Variants in ZSCAN31 observed in about 807,000 individuals in gnomAD.
The protein encoded by ZSCAN31 is zinc finger and SCAN domain-containing protein 31.
In ZSCAN31, 14 loss-of-function variants were observed where a neutral mutation model predicts 22.5. That is an observed-to-expected ratio of 0.62 (90% CI 0.41 to 0.97). ZSCAN31 has a LOEUF of 0.97. ZSCAN31 is among the 50% of genes least tolerant of loss of function. The pLI, the probability that ZSCAN31 is intolerant of heterozygous loss-of-function variation, is 0.00. For synonymous variants in ZSCAN31, 168 were observed against 169.8 expected (o/e 0.99, Z 0.08); for missense variants, 424 against 483.4 (o/e 0.88, Z 1.15).
rs1764999975 is a variant in ZSCAN31, at chr6:28,351,325, TC to T, written c.-371+2536del. On this transcript the variant is annotated intron_variant, in intron 2 of 7. Transcript: ENST00000396838. The surrounding 1 kb of genome is among the most constrained non-coding windows in gnomAD (Gnocchi z 4.6). ...TTTTCCTGCCATAGACTTCCTCCCT[TC>T]CCCACCGTGGACACCCTCCTCATTC... Among the ~76,000 whole-genome samples, 1 of 152,068 alleles carries T rather than the reference TC, an allele frequency of 6.6e-6. No homozygotes were observed. Among genetic ancestry groups the T allele is most frequent in the Non-Finnish European group, 1.5e-5 (1 of 68,010 alleles).
rs974236756 is a variant in ZSCAN31, at chr6:28,349,297, A to G, written c.-371+4565T>C. The stretch of plus-strand genomic sequence containing the variant: ...CTTATCCCTAATGAATAAAGTTACT[A>G]ATGTTTCCATTCAGGTATCTTTTGT... On this transcript the variant is annotated intron_variant, in intron 2 of 7. Coordinates refer to the ZSCAN31 transcript ENST00000396838. The surrounding 1 kb of genome is among the most constrained non-coding windows in gnomAD (Gnocchi z 4.1). 6.6e-6 allele frequency among the ~76,000 whole-genome samples: 1 copy of G among 151,900 alleles called. No individual in the cohort carries two copies. Among genetic ancestry groups the G allele is most frequent in the Non-Finnish European group, 1.5e-5 (1 of 67,936 alleles).
chr6:28,351,398 G>C lies in ZSCAN31; in HGVS notation c.-371+2464C>G, dbSNP rs575865828. Among the ~76,000 whole-genome samples the C allele has an allele frequency of 3.9e-5, 6 of 152,050 alleles. No individual in the cohort carries two copies. The highest frequency in any genetic ancestry group is 7.4e-5 in the Non-Finnish European group (5 of 68,020). Reference sequence around the variant, plus strand: ...CTGGGTTGGGCTGTGGCTCTCTCTCGCCTTCCTTGACCCTACCTTAATGCT... The same window carrying C: ...CTGGGTTGGGCTGTGGCTCTCTCTCCCCTTCCTTGACCCTACCTTAATGCT... On this transcript the variant is annotated intron_variant, in intron 2 of 7. Coordinates refer to the ZSCAN31 transcript ENST00000396838. This position sits in a 1 kb window ranked among gnomAD's most constrained non-coding sequence, Gnocchi z 4.6.
Position 28,325,172 on chromosome 6 carries a change from G to C in ZSCAN31, c.*994C>G, listed in dbSNP as rs368801969. On this transcript the variant is annotated 3_prime_UTR_variant, in exon 4 of 4. Coordinates refer to ENST00000344279, the MANE Select transcript of ZSCAN31 (RefSeq NM_030899.5). ...AGCATGCTGGTCTCCCCAGTAAGCA[G>C]CAAGCTGCCCAAGATATCAGACTTC... is the stretch of plus-strand genomic sequence containing the variant. The C allele has an allele frequency of 1.1e-4, 16 of 152,338 alleles. 1 individual carries two copies. The highest frequency in any genetic ancestry group is 3.6e-4 in the African/African-American group (15 of 41,572). 9.4% of individuals were successfully genotyped at this position (152,338 alleles called of 1,614,324 possible).
intron 1 of ZSCAN31, chr6:28,332,226 C>T (rs1197313118): frequency 6.6e-6 from 1 of 152,228 alleles, no homozygotes; most frequent in Non-Finnish European, 1.5e-5. Context: ...CAAACTGCTA[C>T]AGATTACAGA....
chr6:28,335,432 G>A (rs558612236), intron 1 of ZSCAN31: 1 of 152,396 alleles, frequency 6.6e-6, no homozygotes, highest in Middle Eastern at 3.4e-3. Flanking sequence ...AGGTTCCCAG[G>A]AAAAGTTTCT....
In ZSCAN31 at chr6:28,336,118, G is replaced by A. The variant is rs1764150077; in HGVS notation, c.-132C>T. The A allele has an allele frequency of 6.6e-6, 1 of 152,394 alleles. No individual in the cohort carries two copies. The highest frequency in any genetic ancestry group is 1.5e-5 in the Non-Finnish European group (1 of 68,204). 9.4% of individuals were successfully genotyped at this position (152,394 alleles called of 1,614,324 possible). A position where few individuals can be genotyped will look rare whatever the true frequency, so the allele number is the denominator to read the frequency against. On this transcript the variant is annotated 5_prime_UTR_variant, in exon 1 of 4. Coordinates refer to ENST00000344279, the MANE Select transcript of ZSCAN31 (RefSeq NM_030899.5). The stretch of plus-strand genomic sequence containing the variant: ...CGGCAAGCTACGGAACAGGTGGCGG[G>A]GCTGCAGCACCCCAATGACCGATCA...
rs780292791 is a variant in ZSCAN31 at position 28,327,386 on chromosome 6, G to GT, written c.528dup (p.Gln177ThrfsTer4). ...AGGGACCTGTCAAAATCCTTACCTT[G>GT]TTCTTGAAATTGGTGGAGGCAAAAA... On this transcript the variant is annotated frameshift_variant, in exon 3 of 4. Transcript: ENST00000344279. LOFTEE classifies it low-confidence loss of function (END_TRUNC). The GT allele has an allele frequency of 6.2e-5, 100 of 1,614,006 alleles. No homozygotes were observed. Among genetic ancestry groups the GT allele is most frequent in the Non-Finnish European group, 8.5e-5 (100 of 1,179,982 alleles).
chr6:28,350,615 G>C (rs1018768463), intron 2 of ZSCAN31, among the ~76,000 whole-genome samples: 3 of 152,186 alleles, frequency 2.0e-5, no homozygotes, highest in African/African-American at 7.2e-5. Flanking sequence ...TGGGTAAGGT[G>C]CAGAGTAAGC....
chr6:28,327,935 C>T (rs1763423747), intron 2 of ZSCAN31, among the ~76,000 whole-genome samples: 1 of 152,070 alleles, frequency 6.6e-6, no homozygotes, highest in African/African-American at 2.4e-5. Context: ...AATAAAGGGA[C>T]AGAGTACAAA....
intron 2 of ZSCAN31, among the ~76,000 whole-genome samples, chr6:28,328,196 C>T (rs1041561202): frequency 6.6e-6 from 1 of 152,192 alleles, no homozygotes; most frequent in Non-Finnish European, 1.5e-5. Flanking sequence ...AATGAAGTTT[C>T]GGGCACCACT....
In ZSCAN31 at chr6:28,347,113, A is replaced by T. The variant is rs1259374819; in HGVS notation, c.-370-5321T>A. Among the ~76,000 whole-genome samples the T allele has an allele frequency of 1.3e-5, 2 of 152,160 alleles. No individual in the cohort carries two copies. Among genetic ancestry groups the T allele is most frequent in the Non-Finnish European group, 2.9e-5 (2 of 68,038 alleles). On this transcript the variant is annotated intron_variant, in intron 2 of 7. Coordinates refer to the ZSCAN31 transcript ENST00000396838. This position sits in a 1 kb window ranked among gnomAD's most constrained non-coding sequence, Gnocchi z 5.2. ...TTCTTAAGGACTGTCCCATCCCTTGAGCTCCTGAGAGGATCAGCTGGAGCC... is the reference window on the plus strand; with the variant it reads ...TTCTTAAGGACTGTCCCATCCCTTGTGCTCCTGAGAGGATCAGCTGGAGCC...
chr6:28,329,245 C>T (rs1435791881), intron 2 of ZSCAN31, 58 bp downstream of exon 2: 12 of 1,523,112 alleles, frequency 7.9e-6, no homozygotes, highest in Non-Finnish European at 8.8e-6. Flanking sequence ...ACCTGTGTCA[C>T]CAAACCCCAC....
intron 2 of ZSCAN31, among the ~76,000 whole-genome samples, chr6:28,350,864 G>A (rs142850419): frequency 1.3e-5 from 2 of 152,244 alleles, no homozygotes; most frequent in African/African-American, 4.8e-5. Context: ...ACTCTCAAAG[G>A]CTTTAAGACT....
intron 2 of ZSCAN31, among the ~76,000 whole-genome samples, chr6:28,343,259 G>C (rs1764489455): frequency 6.6e-6 from 1 of 152,150 alleles, no homozygotes; most frequent in Non-Finnish European, 1.5e-5. Flanking sequence ...AAAAAGCCAA[G>C]TGGTAGTTTC....
At chr6:28,343,792 T>A (rs1230584327) in intron 2 of ZSCAN31, among the ~76,000 whole-genome samples, 1 of 152,106 alleles carries the variant, frequency 6.6e-6, no homozygotes, top group Non-Finnish European at 1.5e-5. Flanking sequence ...CCTCCCAAAG[T>A]GTTGGGATTA....
chr6:28,327,246 T>C, intron 3 of ZSCAN31, 137 bp downstream of exon 3: 1 of 1,023,606 alleles, frequency 9.8e-7, no homozygotes, highest in South Asian at 1.6e-5. Context: ...TTACCTGACT[T>C]GTCCATTGTC....
In ZSCAN31 at chr6:28,351,805, G is replaced by T. The variant is rs1005357062; in HGVS notation, c.-371+2057C>A. Among the ~76,000 whole-genome samples the T allele has an allele frequency of 2.0e-5, 3 of 149,846 alleles. No individual in the cohort carries two copies. The highest frequency in any genetic ancestry group is 4.4e-5 in the Non-Finnish European group (3 of 67,736). ...CTTCTCTTTCATTTTATAGCAAATT[G>T]CAGATGGAAACATTTTAGTTCACTC... On this transcript the variant is annotated intron_variant, in intron 2 of 7. Coordinates refer to the ZSCAN31 transcript ENST00000396838. The surrounding 1 kb of genome is among the most constrained non-coding windows in gnomAD (Gnocchi z 4.6).
At position 28,345,016 on chromosome 6, in the gene ZSCAN31, G is replaced by A. The variant is rs571130055; in HGVS notation, c.-370-3224C>T. Among the ~76,000 whole-genome samples the A allele has an allele frequency of 4.6e-5, 7 of 151,064 alleles. No homozygotes were observed. The South Asian group carries it at 1.3e-3, about 27-fold the overall frequency. On this transcript the variant is annotated intron_variant, in intron 2 of 7. Coordinates refer to the ZSCAN31 transcript ENST00000396838. ...AAAAAATTAGCCGGCATGGTGGCATGTACCTGTAGTCCCAGCTACACAGGG... is the reference window on the plus strand; with the variant it reads ...AAAAAATTAGCCGGCATGGTGGCATATACCTGTAGTCCCAGCTACACAGGG...
chr6:28,348,080 T>C (rs1764722722), intron 2 of ZSCAN31, among the ~76,000 whole-genome samples: 1 of 152,244 alleles, frequency 6.6e-6, no homozygotes, highest in Non-Finnish European at 1.5e-5. Context: ...TTTTCTCTCT[T>C]ATTCATTTGT....
Sources: gnomAD v4.1 joint callset for allele counts (sites outside exome capture counted in the v4.1 genomes callset) on GRCh38, gnomAD v4.1.1 for gene constraint, Gnocchi (gnomAD v3.1) non-coding constraint, MANE v1.5 for transcripts, NCBI Gene and HGNC (gene_info 2026-07-23, HGNC 2026-07-21) for gene names.